CSMD3: variants seen among roughly 807,000 people sequenced by gnomAD.
CSMD3 encodes CUB and sushi domain-containing protein 3.
Under a neutral mutation model 435.2 loss-of-function variants are expected in CSMD3, and 177 were observed. The ratio of observed to expected loss-of-function variants is 0.41; its 90% CI spans 0.36 to 0.46. The LOEUF is 0.46. Among genes scored for constraint, CSMD3 ranks in the 20% least tolerant of loss-of-function variants. The pLI is 0.34. For synonymous variants in CSMD3, 1,656 were observed against 1,520.5 expected, an observed-to-expected ratio of 1.09 and a Z score of -2.07; for missense variants, 4,265 against 4,504.6, an observed-to-expected ratio of 0.95 and a Z score of 1.52.
chr8:113,352,851 T>C (rs182773743), intron 1 of CSMD3, among the ~76,000 whole-genome samples: 1 of 152,308 alleles, frequency 6.6e-6, no homozygotes, highest in African/African-American at 2.4e-5. Flanking sequence ...TATCAAGGTG[T>C]TTGAATTGCA....
At chr8:112,493,326 A>G (rs1820891193) in intron 30 of CSMD3, among the ~76,000 whole-genome samples, 1 of 152,112 alleles carries the variant, frequency 6.6e-6, no homozygotes, top group African/African-American at 2.4e-5. Context: ...CTTTGGAAAA[A>G]AAGAAGGAGC....
chr8:112,873,521 T>A (rs2081193359), intron 10 of CSMD3, among the ~76,000 whole-genome samples: 1 of 152,058 alleles, frequency 6.6e-6, no homozygotes, highest in South Asian at 2.1e-4. Context: ...ATATTTTAAT[T>A]ATCTGCTTAC....
chr8:113,424,361 A>G (rs973548086), intron 1 of CSMD3, among the ~76,000 whole-genome samples: 1 of 151,786 alleles, frequency 6.6e-6, no homozygotes, highest in Non-Finnish European at 1.5e-5. Context: ...TTGAAAAACT[A>G]TACTTCATCA....
intron 40 of CSMD3, among the ~76,000 whole-genome samples, chr8:112,347,725 C>A (rs1398295821): frequency 6.6e-6 from 1 of 152,160 alleles, no homozygotes; most frequent in Non-Finnish European, 1.5e-5. Context: ...TTTACCAATT[C>A]ATTTTCCTAA....
chr8:112,798,849 C>T (rs2078891130), intron 13 of CSMD3, among the ~76,000 whole-genome samples: 1 of 151,634 alleles, frequency 6.6e-6, no homozygotes, highest in African/African-American at 2.4e-5. Flanking sequence ...GCCAGGTTTC[C>T]TTAGCCATTT....
At chr8:112,438,938 T>G (rs1279562935) in intron 32 of CSMD3, among the ~76,000 whole-genome samples, 1 of 152,190 alleles carries the variant, frequency 6.6e-6, no homozygotes, top group Non-Finnish European at 1.5e-5. Flanking sequence ...GAAGGAAGAA[T>G]GAGAATAGGT....
chr8:112,891,904 C>T (rs186038527), intron 10 of CSMD3, among the ~76,000 whole-genome samples: 109 of 151,020 alleles, frequency 7.2e-4, no homozygotes, highest in African/African-American at 2.5e-3. Flanking sequence ...CCTGTGTGCA[C>T]GTGTGTGTGT....
intron 58 of CSMD3, among the ~76,000 whole-genome samples, chr8:112,285,213 T>A (rs1169073855): frequency 6.6e-6 from 1 of 152,132 alleles, no homozygotes; most frequent in Non-Finnish European, 1.5e-5. Context: ...AAATATTTTG[T>A]AGGTCAGCTG....
chr8:113,060,346 A>G (rs1163763052), intron 5 of CSMD3, among the ~76,000 whole-genome samples: 1 of 149,878 alleles, frequency 6.7e-6, no homozygotes, highest in Non-Finnish European at 1.5e-5. Flanking sequence ...ATGGCTGCAT[A>G]GTATTCCATG....
chr8:112,702,407 C>A (rs2131881506), intron 13 of CSMD3, among the ~76,000 whole-genome samples: 1 of 152,196 alleles, frequency 6.6e-6, no homozygotes, highest in African/African-American at 2.4e-5. Context: ...TATAAGCAAT[C>A]ACAAAATCTC....
At chr8:112,649,710 C>G (rs530726418) in intron 19 of CSMD3, among the ~76,000 whole-genome samples, 56 of 152,248 alleles carry the variant, frequency 3.7e-4, no homozygotes, top group African/African-American at 1.3e-3. Context: ...ACAGGGTAGT[C>G]GGAGTAAACT....
Position 112,289,526 on chromosome 8 carries a change from CCA to C in CSMD3, c.8985_8986del (p.Cys2995TrpfsTer8). 6.2e-7 allele frequency: 1 copy of C among 1,610,602 alleles called. No homozygotes were observed. The highest frequency in any genetic ancestry group is 8.5e-7 in the Non-Finnish European group (1 of 1,177,690). On this transcript the variant is annotated frameshift_variant, in exon 57 of 71. Transcript: ENST00000297405. LOFTEE classifies it high-confidence loss of function. ...TGCATTAGGAGGAACGCCAGGGTGT[CCA>C]CAGTCAATCACTACAATACATAATT... is the stretch of plus-strand genomic sequence containing the variant.
At chr8:112,990,263 CTG>C (rs1283424896) in intron 6 of CSMD3, among the ~76,000 whole-genome samples, 1 of 151,972 alleles carries the variant, frequency 6.6e-6, no homozygotes, top group Non-Finnish European at 1.5e-5. Context: ...ATTTACAAAA[CTG>C]TGTTACGCCA....
intron 35 of CSMD3, among the ~76,000 whole-genome samples, chr8:112,403,619 T>G (rs1831517976): frequency 6.6e-6 from 1 of 152,074 alleles, no homozygotes; most frequent in Non-Finnish European, 1.5e-5. Context: ...AGGCTGAATA[T>G]GCTTCCTCAG....
chr8:113,224,533 T>C (rs111862344), intron 3 of CSMD3, among the ~76,000 whole-genome samples: 1,994 of 151,368 alleles, frequency 0.013, 26 homozygotes, highest in Middle Eastern at 0.044. Context: ...ATATATAACA[T>C]CTGTTTGTAG....
chr8:113,323,047 T>G (rs1318761862), intron 1 of CSMD3, among the ~76,000 whole-genome samples: 1 of 152,142 alleles, frequency 6.6e-6, no homozygotes, highest in Non-Finnish European at 1.5e-5. Flanking sequence ...CACACCCAGC[T>G]CCTGGCTGGC....
chr8:112,935,668 G>A (rs1349003797), intron 9 of CSMD3, among the ~76,000 whole-genome samples: 3 of 151,316 alleles, frequency 2.0e-5, no homozygotes, highest in African/African-American at 7.3e-5. Flanking sequence ...GATTAGAGTG[G>A]GAAATAAGAA....
chr8:113,215,914 T>A (rs1033482729), intron 3 of CSMD3, among the ~76,000 whole-genome samples: 17 of 151,810 alleles, frequency 1.1e-4, no homozygotes, highest in South Asian at 4.1e-4. Context: ...AATACTTTTT[T>A]AAAAAAAATT....
At position 113,174,014 on chromosome 8, in the gene CSMD3, A is replaced by G; in HGVS notation, c.515-98T>C. ...TATATATGTAGATATGGATATTCTT[A>G]TTTCTTTGGAGAAGAGTCACTGAAA... On this transcript the variant is annotated intron_variant, in intron 3 of 70. Coordinates refer to ENST00000297405, the MANE Select transcript of CSMD3 (RefSeq NM_198123.2). 5.7e-6 allele frequency: 5 copies of G among 884,170 alleles called. 1 individual carries two copies. The highest frequency in any genetic ancestry group is 9.1e-6 in the Non-Finnish European group (5 of 550,826). 54.8% of individuals were successfully genotyped at this position (884,170 alleles called of 1,614,324 possible).
Sources: gnomAD v4.1 joint callset for allele counts (sites outside exome capture counted in the v4.1 genomes callset) on GRCh38, gnomAD v4.1.1 for gene constraint, MANE v1.5 for transcripts, NCBI Gene and HGNC (gene_info 2026-07-23, HGNC 2026-07-21) for gene names.